GRIK2: variants seen among roughly 807,000 people sequenced by gnomAD.
GRIK2 encodes glutamate receptor ionotropic, kainate 2.
Under a neutral mutation model 100.3 loss-of-function variants are expected in GRIK2, and 32 were observed. The ratio of observed to expected loss-of-function variants is 0.32; its 90% CI spans 0.24 to 0.43. The LOEUF is 0.43. Ranked by LOEUF, GRIK2 falls within the 20% of genes least tolerant of loss-of-function variation. GRIK2 has a pLI of 1.00. For synonymous variants in GRIK2, 417 were observed against 389.4 expected, an observed-to-expected ratio of 1.07 and a Z score of -0.83; for missense variants, 843 against 1,114.9, an observed-to-expected ratio of 0.76 and a Z score of 3.47.
intron 14 of GRIK2, among the ~76,000 whole-genome samples, chr6:102,020,044 C>A (rs1406524617): frequency 6.6e-6 from 1 of 151,866 alleles, no homozygotes; most frequent in South Asian, 2.1e-4. Flanking sequence ...AAAAAGTCCT[C>A]TTTAGGTTAA....
At chr6:101,693,302 C>T (rs1289888531) in intron 7 of GRIK2, among the ~76,000 whole-genome samples, 2 of 151,818 alleles carry the variant, frequency 1.3e-5, no homozygotes, top group Non-Finnish European at 2.9e-5. Flanking sequence ...GATTTTTTCC[C>T]CTTCACCCTG....
intron 2 of GRIK2, among the ~76,000 whole-genome samples, chr6:101,592,470 A>T (rs537969424): frequency 6.6e-6 from 1 of 150,990 alleles, no homozygotes; most frequent in African/African-American, 2.4e-5. Context: ...TTGGTAAAAA[A>T]CTTCAGCTGA....
chr6:101,852,655 C>T (rs1420677232), intron 10 of GRIK2, among the ~76,000 whole-genome samples: 2 of 152,124 alleles, frequency 1.3e-5, no homozygotes, highest in East Asian at 3.9e-4. Context: ...TCACCTACTA[C>T]TTGGTATGAT....
intron 14 of GRIK2, among the ~76,000 whole-genome samples, chr6:101,947,777 C>G (rs1328585543): frequency 6.6e-6 from 1 of 152,186 alleles, no homozygotes; most frequent in Non-Finnish European, 1.5e-5. Flanking sequence ...TACACATGTT[C>G]AGAAAGTAAT....
chr6:101,430,433 TG>T, intron 2 of GRIK2: 1 of 215,452 alleles, frequency 4.6e-6, no homozygotes. Context: ...CCACATCTGC[TG>T]GAAGGTGGAA....
intron 2 of GRIK2, among the ~76,000 whole-genome samples, chr6:101,432,667 A>G (rs1769473501): frequency 6.6e-6 from 1 of 152,172 alleles, no homozygotes; most frequent in Admixed American, 6.5e-5. Flanking sequence ...CTATCTAGGC[A>G]TTCATCTGCT....
intron 7 of GRIK2, among the ~76,000 whole-genome samples, chr6:101,789,843 G>A (rs1374916451): frequency 1.3e-5 from 2 of 152,176 alleles, no homozygotes; most frequent in Non-Finnish European, 2.9e-5. Flanking sequence ...CATGAGCATG[G>A]AATGTTCTTC....
At chr6:101,620,822 G>T (rs1186282196) in intron 2 of GRIK2, among the ~76,000 whole-genome samples, 3 of 152,094 alleles carry the variant, frequency 2.0e-5, no homozygotes, top group African/African-American at 7.2e-5. Flanking sequence ...AACCAACAAT[G>T]ATTCTTTTGG....
At chr6:101,780,798 G>T (rs901619959) in intron 7 of GRIK2, among the ~76,000 whole-genome samples, 2 of 152,132 alleles carry the variant, frequency 1.3e-5, no homozygotes, top group Non-Finnish European at 2.9e-5. Context: ...TGTAAGAGAC[G>T]CCTCTTAGGC....
chr6:101,690,617 G>A (rs1772024046), intron 7 of GRIK2, among the ~76,000 whole-genome samples: 1 of 151,614 alleles, frequency 6.6e-6, no homozygotes, highest in African/African-American at 2.4e-5. Context: ...CATTTACTAG[G>A]TGTAACTTGA....
chr6:101,921,832 T>C (rs1256235502), intron 12 of GRIK2, among the ~76,000 whole-genome samples: 1 of 152,074 alleles, frequency 6.6e-6, no homozygotes, highest in African/African-American at 2.4e-5. Flanking sequence ...AAAGAGCAAA[T>C]TGGAAATTCA....
chr6:101,504,500 A>T (rs1432592099), intron 2 of GRIK2, among the ~76,000 whole-genome samples: 1 of 151,824 alleles, frequency 6.6e-6, no homozygotes, highest in Non-Finnish European at 1.5e-5. Flanking sequence ...AAAATTTCCT[A>T]TTCAATGTTT....
chr6:101,873,845 A>T (rs952255592), intron 11 of GRIK2, among the ~76,000 whole-genome samples: 1 of 152,134 alleles, frequency 6.6e-6, no homozygotes, highest in Non-Finnish European at 1.5e-5. Context: ...TCTGATGGCC[A>T]GTGATGATGA....
chr6:101,832,407 AAC>A (rs1482683495), intron 10 of GRIK2, among the ~76,000 whole-genome samples: 4 of 152,206 alleles, frequency 2.6e-5, no homozygotes, highest in Admixed American at 1.3e-4. Flanking sequence ...GTAAAAAAGA[AAC>A]ATTTTCTGAA....
At chr6:101,513,897 T>C (rs1260042583) in intron 2 of GRIK2, among the ~76,000 whole-genome samples, 1 of 151,816 alleles carries the variant, frequency 6.6e-6, no homozygotes, top group Non-Finnish European at 1.5e-5. Flanking sequence ...GAAGAGATAA[T>C]ACAAATGAAA....
intron 14 of GRIK2, among the ~76,000 whole-genome samples, chr6:102,003,081 A>G (rs1256363811): frequency 2.0e-5 from 3 of 151,642 alleles, no homozygotes; most frequent in African/African-American, 7.2e-5. Context: ...TCAGAAACCT[A>G]GAATATTTTT....
chr6:101,912,915 T>G (rs1788847373), intron 12 of GRIK2, among the ~76,000 whole-genome samples: 1 of 126,926 alleles, frequency 7.9e-6, no homozygotes, highest in Non-Finnish European at 1.9e-5. Flanking sequence ...TAAAAATTCT[T>G]TATCTTTATA....
At chr6:101,934,313 A>G (rs1790483682) in intron 14 of GRIK2, among the ~76,000 whole-genome samples, 1 of 151,890 alleles carries the variant, frequency 6.6e-6, no homozygotes, top group South Asian at 2.1e-4. Context: ...CTGCTTGATT[A>G]TATTAAGTTT....
At chr6:101,597,869 G>T (rs1778997273) in intron 2 of GRIK2, among the ~76,000 whole-genome samples, 1 of 151,682 alleles carries the variant, frequency 6.6e-6, no homozygotes, top group Non-Finnish European at 1.5e-5. Flanking sequence ...TGAGGATTCT[G>T]TCCTGCGGTG....
Sources: gnomAD v4.1 joint callset for allele counts (sites outside exome capture counted in the v4.1 genomes callset) on GRCh38, gnomAD v4.1.1 for gene constraint, MANE v1.5 for transcripts, NCBI Gene and HGNC (gene_info 2026-07-23, HGNC 2026-07-21) for gene names.